NKD2: variants seen among roughly 807,000 people sequenced by gnomAD.
The protein encoded by NKD2 is NKD inhibitor of Wnt signaling pathway 2.
Under a neutral mutation model 34.8 loss-of-function variants are expected in NKD2, and 43 were observed. The observed-to-expected ratio is 1.24, with a 90% CI of 0.97 to 1.60. The LOEUF (loss-of-function observed/expected upper bound fraction) is 1.60. Ranked by LOEUF, NKD2 falls within the 40% of genes most tolerant of loss-of-function variation. The probability of loss-of-function intolerance (pLI) is 0.00; values close to 1 mark genes in which losing one functional copy is unlikely to be tolerated. For synonymous variants in NKD2, 278 were observed against 265.1 expected, an observed-to-expected ratio of 1.05 and a Z score of -0.47; for missense variants, 675 against 627.1, an observed-to-expected ratio of 1.08 and a Z score of -0.82.
chr5:1,035,614 C>T, intron 8 of NKD2, 141 bp downstream of exon 8: 1 of 664,612 alleles, frequency 1.5e-6, no homozygotes, highest in Non-Finnish European at 2.6e-6. Flanking sequence ...TCCAGCAGCT[C>T]TGTGGGGCAT....
At position 1,038,200 on chromosome 5, in the gene NKD2, CCACT is replaced by C; in HGVS notation, c.1186_1189del (p.Leu396ArgfsTer31). 6.3e-7 allele frequency: 1 copy of C among 1,590,058 alleles called. No individual in the cohort carries two copies. Among genetic ancestry groups the C allele is most frequent in the Non-Finnish European group, 8.5e-7 (1 of 1,170,354 alleles). ...CCAAAAGGGCAGGGAGGGCCACTCG[CCACT>C]CAAGGCCCCACACGCTCAGCCTGCC... On this transcript the variant is annotated frameshift_variant, in exon 10 of 10. Coordinates refer to ENST00000296849, the MANE Select transcript of NKD2 (RefSeq NM_033120.4). LOFTEE classifies it low-confidence loss of function (END_TRUNC). The surrounding 1 kb of genome is among the most constrained non-coding windows in gnomAD (Gnocchi z 4.5).
rs766561221 is a variant in NKD2 at position 1,012,006 on chromosome 5, G to A, written c.141+2446G>A. 5.8e-4 allele frequency among the ~76,000 whole-genome samples: 89 copies of A among 152,238 alleles called. 2 individuals carry two copies. The highest frequency in any genetic ancestry group is 3.2e-3 in the Middle Eastern group (1 of 316). On this transcript the variant is annotated intron_variant, in intron 3 of 9. Coordinates refer to ENST00000296849, the MANE Select transcript of NKD2 (RefSeq NM_033120.4). ...GGATCCGGAGTCCCTGGGGATGTGC[G>A]TGGGTGAGGAGTGGTGCCATGGTGG...
chr5:1,020,501 C>T (rs1174872246), intron 3 of NKD2, among the ~76,000 whole-genome samples: 2 of 152,064 alleles, frequency 1.3e-5, no homozygotes, highest in African/African-American at 4.8e-5. Flanking sequence ...TGTGGGTTCC[C>T]ATTCCTGAGC....
intron 5 of NKD2, 193 bp from the exon 6 acceptor site, chr5:1,034,042 A>G: frequency 1.7e-6 from 1 of 594,272 alleles, no homozygotes; most frequent in Non-Finnish European, 3.0e-6. Context: ...CCCCCCAAGA[A>G]GGGCTGGAGC....
At chr5:1,018,665 G>A (rs572824238) in intron 3 of NKD2, among the ~76,000 whole-genome samples, 91 of 152,310 alleles carry the variant, frequency 6.0e-4, no homozygotes, top group African/African-American at 2.1e-3. Flanking sequence ...AGGCTGAGCC[G>A]AGCCCAGCAG....
At chr5:1,027,053 T>C (rs1756444884) in intron 3 of NKD2, among the ~76,000 whole-genome samples, 1 of 152,232 alleles carries the variant, frequency 6.6e-6, no homozygotes, top group Non-Finnish European at 1.5e-5. Context: ...CCACAGGACA[T>C]GGGCCAGGCT....
At chr5:1,035,272 G>A (rs1733831414) in intron 7 of NKD2, 117 bp from the exon 8 acceptor site, 2 of 803,304 alleles carry the variant, frequency 2.5e-6, no homozygotes, top group African/African-American at 1.7e-5. Flanking sequence ...ATGAATGAGT[G>A]AACCAGTGAG....
At chr5:1,019,092 G>T (rs1756071973) in intron 3 of NKD2, among the ~76,000 whole-genome samples, 1 of 152,170 alleles carries the variant, frequency 6.6e-6, no homozygotes, top group South Asian at 2.1e-4. Flanking sequence ...GGCTGTGATT[G>T]CCTCTAGCTC....
intron 9 of NKD2, chr5:1,037,490 C>T: frequency 6.5e-7 from 1 of 1,530,822 alleles, no homozygotes; most frequent in Non-Finnish European, 8.8e-7. Flanking sequence ...CCTGATATAA[C>T]CTGGCTTTCT....
At chr5:1,035,290 A>ATGAATGAATGAATGAGTGAGTGAG in intron 7 of NKD2, 99 bp from the exon 8 acceptor site, 2 of 961,612 alleles carry the variant, frequency 2.1e-6, no homozygotes, top group South Asian at 1.5e-5. Context: ...GAGTTAATGA[A>ATGAATGAATGAATGAGTGAGTGAG]TGAATGAATG....
At chr5:1,029,704 A>T (rs950987896) in intron 3 of NKD2, among the ~76,000 whole-genome samples, 1 of 152,058 alleles carries the variant, frequency 6.6e-6, no homozygotes, top group African/African-American at 2.4e-5. Flanking sequence ...CTTAAAAAAT[A>T]CTCCACCCCG....
rs1348601382 is a variant in NKD2, at chr5:1,038,473, C to G, written c.*100C>G. ...GGCTGTGTGCCCATGGGGAGCCCAG[C>G]CCCCACCCCCCACCTCCGACAGCAA... is the stretch of plus-strand genomic sequence containing the variant. On this transcript the variant is annotated 3_prime_UTR_variant, in exon 10 of 10. Transcript: ENST00000296849. The surrounding 1 kb of genome is among the most constrained non-coding windows in gnomAD (Gnocchi z 4.5). 1 of 1,518,372 alleles carries G rather than the reference C, an allele frequency of 6.6e-7. No homozygotes were observed. The highest frequency in any genetic ancestry group is 2.5e-5 in the East Asian group (1 of 40,090). The allele number at this position is 1,518,372 out of a possible 1,614,324, so 94.1% of individuals were successfully genotyped here.
chr5:1,037,638 CCCCTT>C, intron 9 of NKD2, 162 bp from the exon 10 acceptor site: 1 of 1,535,996 alleles, frequency 6.5e-7, no homozygotes, highest in Non-Finnish European at 8.7e-7. Flanking sequence ...AGTGGCCAGG[CCCCTT>C]CCCTTCAGGG....
At chr5:1,024,511 T>G (rs367716440) in intron 3 of NKD2, among the ~76,000 whole-genome samples, 4 of 55,928 alleles carry the variant, frequency 7.2e-5, no homozygotes, top group Admixed American at 1.9e-4. Context: ...CTTCCCACCC[T>G]CTGTGGGCGT....
chr5:1,026,286 G>A (rs1428589198), intron 3 of NKD2, among the ~76,000 whole-genome samples: 1 of 42,716 alleles, frequency 2.3e-5, no homozygotes, highest in African/African-American at 5.6e-5. Flanking sequence ...CGCTGTGGGC[G>A]TCCCAGCCCT....
rs761041248 is a variant in NKD2 at position 1,033,371 on chromosome 5, G to A, written c.203-1G>A. 3 of 1,597,398 alleles carry A rather than the reference G, an allele frequency of 1.9e-6. No individual in the cohort carries two copies. Among genetic ancestry groups the A allele is most frequent in the Non-Finnish European group, 2.6e-6 (3 of 1,172,728 alleles). On this transcript the variant is annotated splice_acceptor_variant, in intron 4 of 9. Coordinates refer to ENST00000296849, the MANE Select transcript of NKD2 (RefSeq NM_033120.4). LOFTEE classifies it high-confidence loss of function. ...CCCTTCGCCTCCTCTTGTCCCCCTA[G>A]TGGCACTCCCCGCTGAGAAAGCTGA...
In NKD2 at chr5:1,009,372, G is replaced by A; in HGVS notation, c.62-109G>A. On this transcript the variant is annotated intron_variant, in intron 2 of 9. Coordinates refer to ENST00000296849, the MANE Select transcript of NKD2 (RefSeq NM_033120.4). This position sits in a 1 kb window ranked among gnomAD's most constrained non-coding sequence, Gnocchi z 6.9. ...GGGACCCCCACGCCTGCCCCTGCGC[G>A]GTCTCCAGGCGATGGGGACACAGCG... 2.4e-6 allele frequency: 2 copies of A among 848,956 alleles called. No homozygotes were observed. Among genetic ancestry groups the A allele is most frequent in the Non-Finnish European group, 1.7e-6 (1 of 581,412 alleles). The allele number at this position is 848,956 out of a possible 1,614,324, so 52.6% of individuals were successfully genotyped here.
At chr5:1,035,284 T>TAATGAATG (rs70957314) in intron 7 of NKD2, 105 bp from the exon 8 acceptor site, 95 of 745,312 alleles carry the variant, frequency 1.3e-4, no homozygotes, top group Middle Eastern at 2.4e-4. Flanking sequence ...ACCAGTGAGT[T>TAATGAATG]AATGAATGAA....
At position 1,009,580 on chromosome 5, in the gene NKD2, C is replaced by T; in HGVS notation, c.141+20C>T. 1 of 1,442,808 alleles carries T rather than the reference C, an allele frequency of 6.9e-7. No individual in the cohort carries two copies. Among genetic ancestry groups the T allele is most frequent in the South Asian group, 1.4e-5 (1 of 70,532 alleles). The allele number at this position is 1,442,808 out of a possible 1,614,324, so 89.4% of individuals were successfully genotyped here. A position where few individuals can be genotyped will look rare whatever the true frequency, so the allele number is the denominator to read the frequency against. On this transcript the variant is annotated intron_variant, in intron 3 of 9. Coordinates refer to ENST00000296849, the MANE Select transcript of NKD2 (RefSeq NM_033120.4). This position sits in a 1 kb window ranked among gnomAD's most constrained non-coding sequence, Gnocchi z 6.9. ...AAGCAGGTAGGCGGCGGGGCGGAGG[C>T]TGGGGTCGCGCTGCGCACCCGCCCG... is the stretch of plus-strand genomic sequence containing the variant.
Sources: allele counts gnomAD v4.1 joint callset (sites outside exome capture counted in the v4.1 genomes callset), GRCh38; gene constraint gnomAD v4.1.1; non-coding constraint Gnocchi (gnomAD v3.1); transcripts MANE v1.5; gene names NCBI Gene and HGNC (gene_info 2026-07-23, HGNC 2026-07-21).